The following NLGN1 variants were observed in gnomAD, a reference collection of about 807,000 sequenced individuals.
NLGN1 encodes the protein neuroligin-1.
NLGN1 carries 12 observed loss-of-function variants against 65.5 expected under a neutral mutation model. The ratio of observed to expected loss-of-function variants is 0.18; its 90% confidence interval spans 0.12 to 0.30. The LOEUF (loss-of-function observed/expected upper bound fraction) is 0.30, where lower values mean the gene tolerates loss of function less well. Ranked by LOEUF, NLGN1 falls within the 10% of genes least tolerant of loss-of-function variation. The pLI, the probability that NLGN1 is intolerant of heterozygous loss-of-function variation, is 1.00. For missense variants in NLGN1, 750 were observed against 1,007.1 expected (o/e 0.74, Z 3.46); for synonymous variants, 350 against 359.5 (o/e 0.97, Z 0.30).
intron 4 of NLGN1, among the ~76,000 whole-genome samples, chr3:173,934,930 A>G (rs1156756649): frequency 6.6e-6 from 1 of 152,024 alleles, no homozygotes; most frequent in East Asian, 1.9e-4. Context: ...CTATCCTAGT[A>G]TTTTGTTTCA....
intron 4 of NLGN1, among the ~76,000 whole-genome samples, chr3:174,004,762 T>A (rs1371399477): frequency 6.6e-6 from 1 of 152,170 alleles, no homozygotes; most frequent in Non-Finnish European, 1.5e-5. Flanking sequence ...TTAGCATCTA[T>A]TGTTTAAACA....
At chr3:174,251,746 A>C (rs943150080) in intron 4 of NLGN1, among the ~76,000 whole-genome samples, 3 of 152,232 alleles carry the variant, frequency 2.0e-5, no homozygotes, top group African/African-American at 7.2e-5. Flanking sequence ...ATCCATCTAC[A>C]TTATGTATTT....
chr3:174,044,038 C>T (rs535225383), intron 4 of NLGN1, among the ~76,000 whole-genome samples: 20 of 152,232 alleles, frequency 1.3e-4, no homozygotes, highest in East Asian at 5.8e-4. Context: ...AGGAAGCTGC[C>T]GAGGCTTAGG....
chr3:173,886,569 T>C (rs1482575828), intron 4 of NLGN1, among the ~76,000 whole-genome samples: 1 of 152,078 alleles, frequency 6.6e-6, no homozygotes, highest in Non-Finnish European at 1.5e-5. Flanking sequence ...CTACAGCTCT[T>C]AAATTATAAA....
At chr3:173,858,522 T>A (rs1377672559) in intron 4 of NLGN1, among the ~76,000 whole-genome samples, 1 of 152,108 alleles carries the variant, frequency 6.6e-6, no homozygotes, top group Non-Finnish European at 1.5e-5. Context: ...GCCATTTGGA[T>A]AGGTTTCCAA....
At chr3:173,739,032 A>G (rs1774209288) in intron 3 of NLGN1, among the ~76,000 whole-genome samples, 1 of 152,016 alleles carries the variant, frequency 6.6e-6, no homozygotes, top group Non-Finnish European at 1.5e-5. Context: ...TATGACATAA[A>G]CCTTGAGTTG....
chr3:173,610,426 G>A (rs922385853), intron 3 of NLGN1, among the ~76,000 whole-genome samples: 13 of 151,898 alleles, frequency 8.6e-5, no homozygotes, highest in African/African-American at 2.7e-4. Context: ...TTGAATTAAG[G>A]TAGAGAGAAA....
At chr3:174,293,435 AC>A in the NLGN1 span, among the ~76,000 whole-genome samples, 14 of 151,608 alleles carry the variant, frequency 9.2e-5, no homozygotes, top group Middle Eastern at 3.4e-3. Context: ...AATTGAAAGG[AC>A]CCGCCAACTG....
At chr3:173,560,275 C>T (rs151145930) in intron 2 of NLGN1, among the ~76,000 whole-genome samples, 1 of 151,436 alleles carries the variant, frequency 6.6e-6, no homozygotes, top group African/African-American at 2.4e-5. Flanking sequence ...TGAATTTTTT[C>T]CTAAGCCATG....
intron 2 of NLGN1, among the ~76,000 whole-genome samples, chr3:173,578,916 C>A (rs1745964174): frequency 6.6e-6 from 1 of 151,960 alleles, no homozygotes; most frequent in South Asian, 2.1e-4. Context: ...TTGGAAATTT[C>A]TATATTTTTC....
At position 174,094,628 on chromosome 3, in the gene NLGN1, G is replaced by A. The variant is rs374293350; in HGVS notation, c.647-180687G>A. On this transcript the variant is annotated intron_variant, in intron 4 of 6. Transcript: ENST00000457714. ...GTCTGCCCTGAGGGTATAAACAATA[G>A]TATTTATTACATATTCTTTAGGACC... 2.5e-4 allele frequency among the ~76,000 whole-genome samples: 38 copies of A among 150,596 alleles called. 1 individual carries two copies. In the East Asian group the frequency reaches 2.9e-3, roughly 12 times the overall value.
intron 1 of NLGN1, among the ~76,000 whole-genome samples, chr3:173,424,610 T>C: frequency 6.6e-6 from 1 of 152,200 alleles, no homozygotes; most frequent in East Asian, 1.9e-4. Context: ...GTTCCACAGA[T>C]GTCTAGGGCA....
intron 1 of NLGN1, among the ~76,000 whole-genome samples, chr3:173,406,983 T>C (rs1718822541): frequency 6.6e-6 from 1 of 152,184 alleles, no homozygotes; most frequent in Non-Finnish European, 1.5e-5. Flanking sequence ...AAAAACATGA[T>C]ACAGTATTAC....
intron 4 of NLGN1, among the ~76,000 whole-genome samples, chr3:173,810,647 A>G (rs1186295166): frequency 6.6e-6 from 1 of 152,206 alleles, no homozygotes; most frequent in African/African-American, 2.4e-5. Context: ...CTTTGATTTT[A>G]GTGATGAATA....
chr3:174,233,486 CATAATAATAATAATAAT>C (rs1741113555), intron 4 of NLGN1, among the ~76,000 whole-genome samples: 2 of 146,886 alleles, frequency 1.4e-5, no homozygotes, highest in South Asian at 4.3e-4. Flanking sequence ...AACTCTGTCT[CATAATAATAATAATAAT>C]AATAATAATA....
In NLGN1 at chr3:173,703,396, A is replaced by C. The variant is rs557270219; in HGVS notation, c.493+98305A>C. Reference sequence around the variant, plus strand: ...ATTTTTAAAAATTGGTAATCAACAGATAATGCTGCCTGATTTGAACTTCCT... The same window carrying C: ...ATTTTTAAAAATTGGTAATCAACAGCTAATGCTGCCTGATTTGAACTTCCT... On this transcript the variant is annotated intron_variant, in intron 3 of 6. Transcript: ENST00000457714. Among the ~76,000 whole-genome samples the C allele has an allele frequency of 2.6e-5, 4 of 152,272 alleles. No homozygotes were observed. The South Asian group carries it at 8.3e-4, about 32-fold the overall frequency.
At chr3:173,767,589 C>T (rs569560481) in intron 3 of NLGN1, among the ~76,000 whole-genome samples, 73 of 151,998 alleles carry the variant, frequency 4.8e-4, no homozygotes, top group South Asian at 8.3e-4. Flanking sequence ...GACCTTTTCA[C>T]GACAAATGTA....
intron 4 of NLGN1, among the ~76,000 whole-genome samples, chr3:174,261,893 A>T (rs1746997757): frequency 6.8e-6 from 1 of 147,130 alleles, no homozygotes; most frequent in Non-Finnish European, 1.5e-5. Context: ...TTTAGCGTGA[A>T]GCGTTGTTGA....
rs547801429 is a variant in NLGN1, at chr3:173,800,755, C to T, written c.494-6925C>T. On this transcript the variant is annotated intron_variant, in intron 3 of 6. Coordinates refer to ENST00000457714, the Ensembl canonical transcript of NLGN1. ...ATATTTTCCCGAATATTAAAATGTG[C>T]TTCATTTTTACATTCGACATTTGTT... Among the ~76,000 whole-genome samples, 57 of 151,758 alleles carry T rather than the reference C, an allele frequency of 3.8e-4. 1 individual carries two copies. Among genetic ancestry groups the T allele is most frequent in the African/African-American group, 1.2e-3 (50 of 41,470 alleles).
Sources: gnomAD v4.1 joint callset for allele counts (sites outside exome capture counted in the v4.1 genomes callset) on GRCh38, gnomAD v4.1.1 for gene constraint, MANE v1.5 for transcripts, NCBI Gene and HGNC (gene_info 2026-07-23, HGNC 2026-07-21) for gene names.